Variants in CHN2 observed in about 807,000 individuals in gnomAD.
The protein encoded by CHN2 is beta-chimaerin.
Under a neutral mutation model 56.3 loss-of-function variants are expected in CHN2, and 35 were observed. That is an observed-to-expected ratio of 0.62 (90% CI 0.47 to 0.82). The LOEUF (loss-of-function observed/expected upper bound fraction) is 0.82. Ranked by LOEUF, CHN2 falls within the 40% of genes least tolerant of loss-of-function variation. The pLI is 0.00. For missense variants in CHN2, 491 were observed against 580.5 expected (o/e 0.85, Z 1.58); for synonymous variants, 210 against 212.8 (o/e 0.99, Z 0.12).
intron 2 of CHN2, among the ~76,000 whole-genome samples, chr7:29,183,445 C>T (rs948308272): frequency 2.7e-5 from 4 of 150,666 alleles, no homozygotes; most frequent in African/African-American, 7.4e-5. Context: ...GGCATGATCT[C>T]GGCTCACTGC....
intron 6 of CHN2, among the ~76,000 whole-genome samples, chr7:29,469,664 C>G (rs1785865676): frequency 6.6e-6 from 1 of 152,334 alleles, no homozygotes. Context: ...CAAATGTCAC[C>G]TTCTCATGAG....
intron 1 of CHN2, among the ~76,000 whole-genome samples, chr7:29,297,974 C>G (rs1161822082): frequency 2.0e-5 from 3 of 152,138 alleles, no homozygotes; most frequent in African/African-American, 7.2e-5. Flanking sequence ...TAGTTCCCTT[C>G]TTTGCTATCA....
At chr7:29,240,509 A>G (rs563903986) in intron 1 of CHN2, among the ~76,000 whole-genome samples, 1 of 152,338 alleles carries the variant, frequency 6.6e-6, no homozygotes, top group African/African-American at 2.4e-5. Flanking sequence ...AAGAAACTAT[A>G]TATTTTTTCA....
intron 6 of CHN2, among the ~76,000 whole-genome samples, chr7:29,417,690 G>A (rs1047437845): frequency 6.6e-6 from 1 of 152,044 alleles, no homozygotes; most frequent in Non-Finnish European, 1.5e-5. Flanking sequence ...TTAATACGAA[G>A]GTATATGAAT....
intron 8 of CHN2, 73 bp downstream of exon 8, chr7:29,496,109 A>C: frequency 7.7e-7 from 1 of 1,295,800 alleles, no homozygotes; most frequent in Non-Finnish European, 1.1e-6. Flanking sequence ...GTCTCTCCAG[A>C]GCTGGGAAAT....
At chr7:29,195,677 G>T (rs1471146281) in intron 1 of CHN2, among the ~76,000 whole-genome samples, 1 of 149,952 alleles carries the variant, frequency 6.7e-6, no homozygotes, top group Non-Finnish European at 1.5e-5. Context: ...AGACTCCTTA[G>T]AGATTTTCTG....
At chr7:29,244,486 C>T (rs995773369) in intron 1 of CHN2, among the ~76,000 whole-genome samples, 24 of 152,220 alleles carry the variant, frequency 1.6e-4, no homozygotes, top group South Asian at 2.1e-4. Context: ...TAGGTTTCAC[C>T]TCTAGGGGCA....
intron 1 of CHN2, among the ~76,000 whole-genome samples, chr7:29,266,130 A>G (rs1790121544): frequency 6.6e-6 from 1 of 152,220 alleles, no homozygotes; most frequent in African/African-American, 2.4e-5. Context: ...GTTCCCCAAA[A>G]CAAACCACAT....
At chr7:29,479,570 A>AC in intron 6 of CHN2, 1 of 702,538 alleles carries the variant, frequency 1.4e-6, no homozygotes, top group Non-Finnish European at 1.8e-6. Context: ...CATAGGCTTT[A>AC]CCCCTATAAG....
Position 29,159,805 on chromosome 7 carries a change from G to C in CHN2, c.274+12845G>C, listed in dbSNP as rs115102228. 2.8e-3 allele frequency among the ~76,000 whole-genome samples: 427 copies of C among 152,232 alleles called. 2 individuals are homozygous for C. Among genetic ancestry groups the C allele is most frequent in the African/African-American group, 9.8e-3 (409 of 41,528 alleles). ...ATGTAATTCACTCATTCTTATGCTA[G>C]AAAATAAGCCATGAAAACAGGAAAT... is the stretch of plus-strand genomic sequence containing the variant. On this transcript the variant is annotated intron_variant, in intron 2 of 6. Transcript: ENST00000439384.
Position 29,267,646 on chromosome 7 carries a change from C to T in CHN2, c.49+72656C>T, listed in dbSNP as rs577630687. ...GAATCCTAAAACCCAGAACAAGGCA[C>T]TAATACCCTTTTGAATTTTCTCCAG... On this transcript the variant is annotated intron_variant, in intron 1 of 12. Coordinates refer to ENST00000222792, the MANE Select transcript of CHN2 (RefSeq NM_004067.4). Among the ~76,000 whole-genome samples the T allele has an allele frequency of 7.4e-4, 112 of 152,304 alleles. 2 individuals carry two copies. In the Middle Eastern group the frequency reaches 0.01, roughly 14 times the overall value.
In CHN2 at chr7:29,510,916, G is replaced by A. The variant is rs75293268; in HGVS notation, c.1235+1510G>A. Among the ~76,000 whole-genome samples the A allele has an allele frequency of 7.3e-3, 1,094 of 149,398 alleles. 3 individuals are homozygous for A. Among genetic ancestry groups the A allele is most frequent in the Non-Finnish European group, 0.012 (838 of 67,626 alleles). On this transcript the variant is annotated intron_variant, in intron 12 of 12. Coordinates refer to ENST00000222792, the MANE Select transcript of CHN2 (RefSeq NM_004067.4). The stretch of plus-strand genomic sequence containing the variant: ...ACGTCTGGATGTTTATGGGACACTA[G>A]AACCTCTGGTGACACTATTCTCCCT...
intron 1 of CHN2, among the ~76,000 whole-genome samples, chr7:29,195,663 A>G (rs930278710): frequency 1.4e-4 from 21 of 147,272 alleles, no homozygotes; most frequent in African/African-American, 5.3e-4. Context: ...AGAGAGAGAG[A>G]GAGAGACTCC....
intron 3 of CHN2, among the ~76,000 whole-genome samples, chr7:29,381,395 C>T (rs1222505665): frequency 6.6e-6 from 1 of 152,062 alleles, no homozygotes; most frequent in Non-Finnish European, 1.5e-5. Context: ...ACAAGGAGGG[C>T]CTAAGGCAGA....
chr7:29,461,592 C>T (rs774207878), intron 6 of CHN2, among the ~76,000 whole-genome samples: 2 of 152,220 alleles, frequency 1.3e-5, no homozygotes, highest in Non-Finnish European at 2.9e-5. Flanking sequence ...CTTCATGTTT[C>T]ATGTGTGAAG....
At chr7:29,398,715 C>T (rs1455849278) in intron 5 of CHN2, among the ~76,000 whole-genome samples, 1 of 151,834 alleles carries the variant, frequency 6.6e-6, no homozygotes, top group Non-Finnish European at 1.5e-5. Context: ...CCACCTTAGC[C>T]TCCTGAGTAG....
intron 6 of CHN2, among the ~76,000 whole-genome samples, chr7:29,437,409 T>C (rs1220556385): frequency 5.9e-5 from 8 of 134,690 alleles, no homozygotes; most frequent in Admixed American, 5.0e-4. Flanking sequence ...CCATCCTGGC[T>C]AACACGGTGA....
At chr7:29,146,730 G>A in exon 1 of CHN2, 1 of 1,550,548 alleles carries the variant, frequency 6.4e-7, no homozygotes, top group Non-Finnish European at 8.7e-7. Flanking sequence ...AAGAGCATCG[G>A]CGGGGTGCCA....
intron 6 of CHN2, among the ~76,000 whole-genome samples, chr7:29,420,300 C>T (rs1262111484): frequency 6.6e-6 from 1 of 152,130 alleles, no homozygotes; most frequent in Non-Finnish European, 1.5e-5. Context: ...AAAGCAGGAT[C>T]TCAAAGAGAA....
Sources: gnomAD v4.1 joint callset for allele counts (sites outside exome capture counted in the v4.1 genomes callset) on GRCh38, gnomAD v4.1.1 for gene constraint, MANE v1.5 for transcripts, NCBI Gene and HGNC (gene_info 2026-07-23, HGNC 2026-07-21) for gene names.